FAF1: variants seen among roughly 807,000 people sequenced by gnomAD.
The protein encoded by FAF1 is Fas associated factor 1.
A neutral mutation model predicts 92.5 loss-of-function variants in FAF1; 25 were observed. That is an observed-to-expected ratio of 0.27 (90% confidence interval 0.20 to 0.38). The LOEUF is 0.38. FAF1 is among the 10% of genes least tolerant of loss of function. The pLI, the probability that FAF1 is intolerant of heterozygous loss-of-function variation, is 1.00. For missense variants in FAF1, 636 were observed against 793.3 expected, an observed-to-expected ratio of 0.80 and a Z score of 2.38; for synonymous variants, 234 against 273.2, an observed-to-expected ratio of 0.86 and a Z score of 1.42.
At chr1:50,682,799 A>G (rs570042059) in intron 7 of FAF1, among the ~76,000 whole-genome samples, 1 of 152,286 alleles carries the variant, frequency 6.6e-6, no homozygotes, top group African/African-American at 2.4e-5. Context: ...ATTTAGTGTT[A>G]AGATCTGAAT....
chr1:50,574,816 T>C (rs926139797), intron 12 of FAF1, among the ~76,000 whole-genome samples: 3 of 152,010 alleles, frequency 2.0e-5, no homozygotes, highest in Admixed American at 2.0e-4. Flanking sequence ...CCATCAAATA[T>C]TGTCTGACAA....
chr1:50,941,263 G>A (rs1050833649), intron 1 of FAF1, among the ~76,000 whole-genome samples: 3 of 152,148 alleles, frequency 2.0e-5, no homozygotes, highest in Admixed American at 6.5e-5. Flanking sequence ...AGGCTGGAGT[G>A]CAGTGGTGTG....
chr1:50,770,730 T>C (rs1451586632), intron 4 of FAF1, among the ~76,000 whole-genome samples: 1 of 152,226 alleles, frequency 6.6e-6, no homozygotes, highest in Non-Finnish European at 1.5e-5. Context: ...AAGGACATTC[T>C]TCACACAATT....
At chr1:50,804,318 C>T (rs1013622657) in intron 2 of FAF1, among the ~76,000 whole-genome samples, 1 of 152,106 alleles carries the variant, frequency 6.6e-6, no homozygotes, top group Non-Finnish European at 1.5e-5. Context: ...GGCAAATAAA[C>T]GAAGCCCTAG....
chr1:50,768,854 C>G (rs1023444300), intron 4 of FAF1, among the ~76,000 whole-genome samples: 13 of 152,014 alleles, frequency 8.6e-5, no homozygotes, highest in African/African-American at 3.1e-4. Context: ...AATTAACAAT[C>G]TAACATCACA....
At chr1:50,889,654 T>C (rs1176359577) in intron 1 of FAF1, among the ~76,000 whole-genome samples, 1 of 152,264 alleles carries the variant, frequency 6.6e-6, no homozygotes, top group Non-Finnish European at 1.5e-5. Context: ...GGTTGTTCAG[T>C]TTCCATGTAG....
At chr1:50,712,678 T>C (rs1657987979) in intron 6 of FAF1, among the ~76,000 whole-genome samples, 1 of 151,980 alleles carries the variant, frequency 6.6e-6, no homozygotes, top group African/African-American at 2.4e-5. Context: ...AATGCCATGG[T>C]AATCTGTGTA....
At chr1:50,754,216 T>C (rs1225477715) in intron 4 of FAF1, among the ~76,000 whole-genome samples, 1 of 152,244 alleles carries the variant, frequency 6.6e-6, no homozygotes, top group Non-Finnish European at 1.5e-5. Context: ...CTGGATATTT[T>C]TGTAATCCTA....
intron 9 of FAF1, among the ~76,000 whole-genome samples, chr1:50,590,665 T>G (rs1249523150): frequency 6.6e-6 from 1 of 152,208 alleles, no homozygotes; most frequent in African/African-American, 2.4e-5. Flanking sequence ...CTTCCAGAAC[T>G]ATGTCAAATA....
intron 1 of FAF1, among the ~76,000 whole-genome samples, chr1:50,864,973 T>A (rs1407271058): frequency 2.0e-5 from 3 of 151,648 alleles, no homozygotes; most frequent in South Asian, 2.1e-4. Flanking sequence ...GAATCTACAA[T>A]GAACTCAAAC....
At chr1:50,477,538 A>AG (rs1238004993) in intron 17 of FAF1, among the ~76,000 whole-genome samples, 1 of 152,136 alleles carries the variant, frequency 6.6e-6, no homozygotes, top group Non-Finnish European at 1.5e-5. Context: ...CATGAGTAGC[A>AG]GTTTACCTGA....
chr1:50,677,931 T>C (rs1322319981), intron 7 of FAF1, among the ~76,000 whole-genome samples: 4 of 151,994 alleles, frequency 2.6e-5, no homozygotes, highest in Non-Finnish European at 4.4e-5. Context: ...CAACTAGTTT[T>C]TATCGAATTA....
At chr1:50,647,633 C>T (rs1654654787) in intron 8 of FAF1, among the ~76,000 whole-genome samples, 1 of 152,106 alleles carries the variant, frequency 6.6e-6, no homozygotes, top group Non-Finnish European at 1.5e-5. Flanking sequence ...AAAAGTCAAC[C>T]ATGTTAAGGC....
chr1:50,854,200 G>A (rs976676206), intron 2 of FAF1, among the ~76,000 whole-genome samples: 10 of 151,988 alleles, frequency 6.6e-5, no homozygotes, highest in Admixed American at 2.6e-4. Flanking sequence ...CTTCTATAGT[G>A]AAAACAGAAA....
At chr1:50,590,864 C>T (rs1299257646) in intron 9 of FAF1, among the ~76,000 whole-genome samples, 1 of 152,020 alleles carries the variant, frequency 6.6e-6, no homozygotes, top group African/African-American at 2.4e-5. Context: ...CTCCTGTAGT[C>T]CCAGCTACTC....
At chr1:50,683,953 T>C (rs1278809309) in intron 7 of FAF1, among the ~76,000 whole-genome samples, 1 of 151,896 alleles carries the variant, frequency 6.6e-6, no homozygotes, top group Non-Finnish European at 1.5e-5. Flanking sequence ...AAAAGTAATA[T>C]TTTAAGGCCT....
At chr1:50,444,903 G>C (rs1001759299) in intron 18 of FAF1, among the ~76,000 whole-genome samples, 1 of 151,954 alleles carries the variant, frequency 6.6e-6, no homozygotes, top group Non-Finnish European at 1.5e-5. Context: ...AGGCTGCCTT[G>C]GGGAAATGGA....
chr1:50,705,967 C>A (rs560566119), intron 6 of FAF1, 76 bp from the exon 7 acceptor site: 2 of 802,538 alleles, frequency 2.5e-6, no homozygotes, highest in Admixed American at 2.1e-5. Flanking sequence ...GCTGCAAAAA[C>A]CCCAGGAGTA....
chr1:50,498,782 G>A (rs774929336), intron 15 of FAF1, among the ~76,000 whole-genome samples: 15 of 151,826 alleles, frequency 9.9e-5, no homozygotes, highest in Non-Finnish European at 1.9e-4. Context: ...CTCGGGAGGC[G>A]GAGGTTGCAG....
Sources: gnomAD v4.1 joint callset for allele counts (sites outside exome capture counted in the v4.1 genomes callset) on GRCh38, gnomAD v4.1.1 for gene constraint, MANE v1.5 for transcripts, NCBI Gene and HGNC (gene_info 2026-07-23, HGNC 2026-07-21) for gene names.